The following SV2C variants were observed in gnomAD, a reference collection of about 807,000 sequenced individuals.
SV2C encodes synaptic vesicle glycoprotein 2C.
SV2C carries 49 observed loss-of-function variants against 79.7 expected under a neutral mutation model. The ratio of observed to expected loss-of-function variants is 0.61; its 90% CI spans 0.49 to 0.78. SV2C has a LOEUF of 0.78. SV2C is among the 30% of genes least tolerant of loss of function. The pLI, the probability that SV2C is intolerant of heterozygous loss-of-function variation, is 0.00. For missense variants in SV2C, 833 were observed against 912.9 expected, an observed-to-expected ratio of 0.91 and a Z score of 1.13; for synonymous variants, 334 against 333.2, an observed-to-expected ratio of 1.00 and a Z score of -0.03.
rs1216245127 is a variant in SV2C, at chr5:76,327,377, C to G, written c.*1830C>G. 1 of 152,286 alleles carries G rather than the reference C, an allele frequency of 6.6e-6. No individual in the cohort carries two copies. Among genetic ancestry groups the G allele is most frequent in the Non-Finnish European group, 1.5e-5 (1 of 68,100 alleles). 9.4% of individuals were successfully genotyped at this position (152,286 alleles called of 1,614,324 possible). ...AAGGTGGCAGGAAGAAGAAAAATCA[C>G]TGAAGGCTAGACAAGATGCATTTGA... On this transcript the variant is annotated 3_prime_UTR_variant, in exon 13 of 13. Coordinates refer to ENST00000502798, the MANE Select transcript of SV2C (RefSeq NM_014979.4).
chr5:75,849,721 G>A, the SV2C span, among the ~76,000 whole-genome samples: 1 of 152,168 alleles, frequency 6.6e-6, no homozygotes, highest in Non-Finnish European at 1.5e-5. Flanking sequence ...TAAAGATGAA[G>A]AAAGTGTTAA....
the SV2C span, among the ~76,000 whole-genome samples, chr5:75,873,552 C>A: frequency 6.6e-6 from 1 of 151,912 alleles, no homozygotes; most frequent in African/African-American, 2.4e-5. Flanking sequence ...TTTGAACAAG[C>A]CATTTTGCTT....
chr5:76,228,934 T>C (rs573817557), intron 4 of SV2C, among the ~76,000 whole-genome samples: 1 of 152,268 alleles, frequency 6.6e-6, no homozygotes, highest in East Asian at 1.9e-4. Flanking sequence ...GTGGCTTTAC[T>C]ATGTGGTTTT....
chr5:75,995,249 C>G, the SV2C span, among the ~76,000 whole-genome samples: 1 of 152,182 alleles, frequency 6.6e-6, no homozygotes, highest in Admixed American at 6.5e-5. Flanking sequence ...CATCCCTTAG[C>G]CCAGTCAAGT....
chr5:76,208,131 T>C (rs528837725), intron 3 of SV2C, among the ~76,000 whole-genome samples: 1 of 152,314 alleles, frequency 6.6e-6, no homozygotes, highest in East Asian at 1.9e-4. Context: ...TATAGATGCC[T>C]AAAGTTTGTG....
the SV2C span, among the ~76,000 whole-genome samples, chr5:75,856,857 A>G: frequency 6.6e-6 from 1 of 152,154 alleles, no homozygotes; most frequent in Non-Finnish European, 1.5e-5. Flanking sequence ...ACATTAGTAA[A>G]AAAATATTTT....
chr5:75,981,287 AC>A, the SV2C span, among the ~76,000 whole-genome samples: 2 of 152,210 alleles, frequency 1.3e-5, no homozygotes, highest in Admixed American at 6.5e-5. Flanking sequence ...AAATGTCTAT[AC>A]TGCCCAAAGC....
the SV2C span, among the ~76,000 whole-genome samples, chr5:75,888,086 G>A: frequency 6.6e-6 from 1 of 151,930 alleles, no homozygotes; most frequent in Non-Finnish European, 1.5e-5. Context: ...ATCGAAAATA[G>A]GATCTCATAA....
At chr5:76,293,161 CTT>C (rs1747617958) in intron 8 of SV2C, among the ~76,000 whole-genome samples, 1 of 152,034 alleles carries the variant, frequency 6.6e-6, no homozygotes, top group Non-Finnish European at 1.5e-5. Flanking sequence ...AGAGGGTTGA[CTT>C]AGAATATGTA....
chr5:75,975,036 G>C, the SV2C span, among the ~76,000 whole-genome samples: 3 of 152,126 alleles, frequency 2.0e-5, no homozygotes, highest in Non-Finnish European at 4.4e-5. Context: ...TAAACTGATA[G>C]AATTATCAAT....
At chr5:76,290,779 G>A (rs1214461019) in intron 6 of SV2C, among the ~76,000 whole-genome samples, 3 of 152,154 alleles carry the variant, frequency 2.0e-5, no homozygotes, top group Non-Finnish European at 4.4e-5. Flanking sequence ...GAATAGTGAT[G>A]GGAATGCTTT....
At chr5:75,898,129 G>T in the SV2C span, among the ~76,000 whole-genome samples, 1 of 152,260 alleles carries the variant, frequency 6.6e-6, no homozygotes, top group South Asian at 2.1e-4. Context: ...GTGAGAGAGG[G>T]CATCCCTGTC....
At chr5:75,851,150 T>C in the SV2C span, among the ~76,000 whole-genome samples, 1 of 152,220 alleles carries the variant, frequency 6.6e-6, no homozygotes, top group Non-Finnish European at 1.5e-5. Context: ...CAGCTTCAGC[T>C]ACACGGGATG....
At chr5:76,003,702 T>C in the SV2C span, among the ~76,000 whole-genome samples, 3 of 151,924 alleles carry the variant, frequency 2.0e-5, no homozygotes, top group South Asian at 6.2e-4. Flanking sequence ...CCTCAGAAAA[T>C]GGAACCAAGT....
At chr5:76,125,882 A>C (rs576665226) in intron 1 of SV2C, among the ~76,000 whole-genome samples, 1 of 152,122 alleles carries the variant, frequency 6.6e-6, no homozygotes, top group African/African-American at 2.4e-5. Flanking sequence ...ACATAAAAAG[A>C]CTTCATCTCT....
intron 1 of SV2C, among the ~76,000 whole-genome samples, chr5:76,115,643 G>A (rs1444731763): frequency 6.6e-6 from 1 of 152,200 alleles, no homozygotes; most frequent in Non-Finnish European, 1.5e-5. Flanking sequence ...AAATGTGAAA[G>A]AGCAGGGATA....
At chr5:76,195,558 G>A (rs1744245718) in intron 3 of SV2C, among the ~76,000 whole-genome samples, 1 of 152,142 alleles carries the variant, frequency 6.6e-6, no homozygotes. Flanking sequence ...TTGGTAGAAA[G>A]CCTCCTTGAG....
At chr5:76,197,596 G>C (rs1744305202) in intron 3 of SV2C, among the ~76,000 whole-genome samples, 1 of 151,914 alleles carries the variant, frequency 6.6e-6, no homozygotes, top group Non-Finnish European at 1.5e-5. Flanking sequence ...GCGGCTGACA[G>C]GACCTGAGAA....
chr5:76,001,367 G>T, the SV2C span, among the ~76,000 whole-genome samples: 1 of 152,148 alleles, frequency 6.6e-6, no homozygotes, highest in East Asian at 1.9e-4. Flanking sequence ...TTGGGAGGCC[G>T]GGGTGGGTGG....
Sources: gnomAD v4.1 joint callset for allele counts (sites outside exome capture counted in the v4.1 genomes callset) on GRCh38, gnomAD v4.1.1 for gene constraint, MANE v1.5 for transcripts, NCBI Gene and HGNC (gene_info 2026-07-23, HGNC 2026-07-21) for gene names.